ADD3: variants seen among roughly 807,000 people sequenced by gnomAD.
ADD3 encodes adducin 3, also known as gamma-adducin.
ADD3 carries 25 observed loss-of-function variants against 80.2 expected under a neutral mutation model. The observed-to-expected ratio is 0.31, with a 90% CI of 0.23 to 0.44. The LOEUF (loss-of-function observed/expected upper bound fraction) is 0.44, where lower values mean the gene tolerates loss of function less well. ADD3 is among the 20% of genes least tolerant of loss of function. The probability of loss-of-function intolerance (pLI) is 1.00; values close to 1 mark genes in which losing one functional copy is unlikely to be tolerated. For synonymous variants in ADD3, 284 were observed against 289.6 expected (o/e 0.98, Z 0.20); for missense variants, 829 against 847.5 (o/e 0.98, Z 0.27).
At chr10:110,057,862 A>G (rs2133465150) in intron 1 of ADD3, among the ~76,000 whole-genome samples, 1 of 152,372 alleles carries the variant, frequency 6.6e-6, no homozygotes, top group Non-Finnish European at 1.5e-5. Context: ...GGAGCTAATG[A>G]TAAGTTAGTG....
intron 1 of ADD3, among the ~76,000 whole-genome samples, chr10:110,044,293 A>T (rs55752191): frequency 0.011 from 1,613 of 152,330 alleles, 33 homozygotes; most frequent in African/African-American, 0.038. Flanking sequence ...ATATTAGGAC[A>T]GCTTATGTGA....
intron 13 of ADD3, 145 bp from the exon 14 acceptor site, chr10:110,132,160 G>A (rs1355050187): frequency 3.4e-6 from 2 of 580,730 alleles, no homozygotes; most frequent in African/African-American, 1.9e-5. Context: ...GGATATATGG[G>A]ATAACTGTTA....
At chr10:110,036,604 C>T (rs1301179159) in intron 1 of ADD3, among the ~76,000 whole-genome samples, 5 of 151,806 alleles carry the variant, frequency 3.3e-5, no homozygotes, top group African/African-American at 1.2e-4. Flanking sequence ...TATCTACTGT[C>T]CTCATGATCC....
At chr10:110,023,908 A>G (rs890678829) in intron 1 of ADD3, among the ~76,000 whole-genome samples, 1 of 152,224 alleles carries the variant, frequency 6.6e-6, no homozygotes, top group African/African-American at 2.4e-5. Flanking sequence ...AAGCAAATTA[A>G]CACAGGAACA....
chr10:110,115,375 G>C (rs1225067687), intron 3 of ADD3, among the ~76,000 whole-genome samples: 1 of 150,032 alleles, frequency 6.7e-6, no homozygotes, highest in Non-Finnish European at 1.5e-5. Flanking sequence ...GGCAACAAGA[G>C]TGAAACTCCG....
rs1030376789 is a variant in ADD3 at position 110,015,420 on chromosome 10, G to A, written c.-30+7121G>A. Among the ~76,000 whole-genome samples the A allele has an allele frequency of 2.0e-5, 3 of 148,586 alleles. No homozygotes were observed. In the Admixed American group the frequency reaches 2.0e-4, roughly 10 times the overall value. The stretch of plus-strand genomic sequence containing the variant: ...AGATGGAGTCTCGCTCTGTCGCCCA[G>A]GCTGGAGTGCAGTGGCCTGATCTCG... On this transcript the variant is annotated intron_variant, in intron 1 of 14. Transcript: ENST00000356080.
chr10:109,997,418 T>C (rs566097902), intron 1 of ADD3: 2 of 152,336 alleles, frequency 1.3e-5, no homozygotes, highest in South Asian at 2.1e-4. Context: ...AAACATTTAC[T>C]ATAATCAACA....
At chr10:110,112,703 T>C in intron 2 of ADD3, 74 bp from the exon 3 acceptor site, 1 of 1,516,580 alleles carries the variant, frequency 6.6e-7, no homozygotes, top group South Asian at 1.3e-5. Flanking sequence ...GGGGTAAAGA[T>C]TGATTGTATC....
At chr10:110,126,199 T>A (rs1329829807) in intron 11 of ADD3, among the ~76,000 whole-genome samples, 4 of 152,184 alleles carry the variant, frequency 2.6e-5, no homozygotes, top group African/African-American at 9.7e-5. Flanking sequence ...AAAATGCAGT[T>A]CTCTAACAAC....
chr10:110,090,345 A>G (rs1847341637), intron 1 of ADD3, among the ~76,000 whole-genome samples: 1 of 150,150 alleles, frequency 6.7e-6, no homozygotes, highest in Non-Finnish European at 1.5e-5. Context: ...TTGGCCTCCC[A>G]AGTAGCTAGG....
intron 1 of ADD3, among the ~76,000 whole-genome samples, chr10:110,025,675 G>A (rs1283122734): frequency 3.9e-5 from 6 of 152,132 alleles, no homozygotes; most frequent in Non-Finnish European, 7.4e-5. Flanking sequence ...AGGAAGTTCC[G>A]TGTTTAAGGC....
intron 1 of ADD3, among the ~76,000 whole-genome samples, chr10:110,061,364 G>T (rs1448551028): frequency 6.6e-6 from 1 of 152,136 alleles, no homozygotes; most frequent in Non-Finnish European, 1.5e-5. Flanking sequence ...TTTTTTTTGG[G>T]TGGAGTGGTG....
chr10:110,129,082 A>G (rs7897604), intron 12 of ADD3, among the ~76,000 whole-genome samples: 6 of 151,550 alleles, frequency 4.0e-5, no homozygotes, highest in African/African-American at 1.5e-4. Context: ...CCAGTTTCCA[A>G]CCATCATTCT....
intron 1 of ADD3, among the ~76,000 whole-genome samples, chr10:110,046,843 G>T (rs1856962172): frequency 6.6e-6 from 1 of 152,144 alleles, no homozygotes; most frequent in Non-Finnish European, 1.5e-5. Flanking sequence ...GAAATATTTG[G>T]TTTGAAATTG....
intron 1 of ADD3, among the ~76,000 whole-genome samples, chr10:110,067,533 C>A (rs1454793613): frequency 2.0e-5 from 3 of 152,182 alleles, no homozygotes; most frequent in Non-Finnish European, 4.4e-5. Context: ...AAATATCCCA[C>A]AGGAGTCACA....
chr10:110,119,540 T>C lies in ADD3; in HGVS notation c.936T>C (p.Asn312=), dbSNP rs748302229. 1 of 1,614,044 alleles carries C rather than the reference T, an allele frequency of 6.2e-7. No individual in the cohort carries two copies. Among genetic ancestry groups the C allele is most frequent in the Non-Finnish European group, 8.5e-7 (1 of 1,179,884 alleles). Residue 312 remains asparagine (N), a synonymous_variant, in exon 8 of 15, where the codon AAT becomes AAC. Coordinates refer to ENST00000356080, the MANE Select transcript of ADD3 (RefSeq NM_016824.5). ...TLEEAFHYIF[N]VQLACEIQVQ... is the part of the protein sequence containing the mutation. ...AGGAGGCTTTTCATTATATTTTTAA[T>C]GTGCAACTAGCCTGTGAGATTCAGG...
intron 1 of ADD3, among the ~76,000 whole-genome samples, chr10:110,023,731 G>A (rs1853958000): frequency 6.6e-6 from 1 of 152,152 alleles, no homozygotes; most frequent in South Asian, 2.1e-4. Context: ...CTGCTCAAGT[G>A]TTACCCAATC....
chr10:110,096,905 G>A (rs1250845657), intron 1 of ADD3, among the ~76,000 whole-genome samples: 1 of 152,162 alleles, frequency 6.6e-6, no homozygotes, highest in Non-Finnish European at 1.5e-5. Context: ...CATCTAACAG[G>A]TAACTCAGGT....
intron 1 of ADD3, among the ~76,000 whole-genome samples, chr10:110,025,312 TTTTAAA>T (rs1374330210): frequency 2.0e-5 from 3 of 151,988 alleles, no homozygotes; most frequent in East Asian, 1.9e-4. Flanking sequence ...AAATAATACT[TTTTAAA>T]TTTAATAATA....
Sources: gnomAD v4.1 joint callset for allele counts (sites outside exome capture counted in the v4.1 genomes callset) on GRCh38, gnomAD v4.1.1 for gene constraint, MANE v1.5 for transcripts, NCBI Gene and HGNC (gene_info 2026-07-23, HGNC 2026-07-21) for gene names.